Variants in NBAS observed in about 807,000 individuals in gnomAD.
NBAS encodes NAG/BC035112 fusion.
Under a neutral mutation model 302.5 loss-of-function variants are expected in NBAS, and 219 were observed. That is an observed-to-expected ratio of 0.72 (90% CI 0.65 to 0.81). NBAS has a LOEUF of 0.81. NBAS is among the 30% of genes least tolerant of loss of function. NBAS has a pLI of 0.00. For missense variants in NBAS, 2,932 were observed against 2,841.6 expected (o/e 1.03, Z -0.72); for synonymous variants, 1,118 against 1,021.6 (o/e 1.09, Z -1.80).
chr2:14,955,779 T>C, the NBAS span, among the ~76,000 whole-genome samples: 4 of 152,142 alleles, frequency 2.6e-5, no homozygotes, highest in Admixed American at 1.3e-4. Context: ...CAAGGCTGCA[T>C]AGAGCAAGGG....
chr2:15,358,395 T>TATGTGTGTGTGTGCGCACAC (rs1326113290), intron 32 of NBAS, among the ~76,000 whole-genome samples: 3 of 152,024 alleles, frequency 2.0e-5, no homozygotes, highest in African/African-American at 4.8e-5. Flanking sequence ...TGTGTGTGTG[T>TATGTGTGTGTGTGCGCACAC]ATGTGTGTGT....
the NBAS span, among the ~76,000 whole-genome samples, chr2:15,150,039 T>C: frequency 7.1e-6 from 1 of 141,548 alleles, no homozygotes; most frequent in Admixed American, 7.4e-5. Flanking sequence ...AGTGCCACTG[T>C]GCTCCAGAGC....
chr2:15,298,492 G>C (rs866336363), intron 40 of NBAS, among the ~76,000 whole-genome samples: 1 of 152,126 alleles, frequency 6.6e-6, no homozygotes, highest in East Asian at 1.9e-4. Context: ...AATTTCTTCT[G>C]AATCCCCATA....
chr2:15,248,472 T>C (rs1483072766), intron 44 of NBAS, among the ~76,000 whole-genome samples: 1 of 152,142 alleles, frequency 6.6e-6, no homozygotes, highest in Admixed American at 6.5e-5. Flanking sequence ...AGAGCAGTAC[T>C]GAAGGAGATA....
the NBAS span, among the ~76,000 whole-genome samples, chr2:15,134,056 T>TTCTCTCTCTCTCTCTC: frequency 1.2e-3 from 169 of 145,772 alleles, no homozygotes; most frequent in African/African-American, 1.4e-3. Context: ...GAACATTTCT[T>TTCTCTCTCTCTCTCTC]TCTCTCTCTC....
At chr2:15,097,508 T>C in the NBAS span, among the ~76,000 whole-genome samples, 1 of 152,080 alleles carries the variant, frequency 6.6e-6, no homozygotes, top group African/African-American at 2.4e-5. Context: ...CCACAGAAAT[T>C]TGTTCCTCAC....
At chr2:15,267,990 A>C (rs1669152265) in intron 44 of NBAS, among the ~76,000 whole-genome samples, 1 of 152,218 alleles carries the variant, frequency 6.6e-6, no homozygotes, top group African/African-American at 2.4e-5. Context: ...TTGGCTCCAA[A>C]AGATGTACTA....
chr2:15,132,599 G>A, the NBAS span, among the ~76,000 whole-genome samples: 2 of 152,098 alleles, frequency 1.3e-5, no homozygotes, highest in African/African-American at 2.4e-5. Context: ...ATAATGTGTC[G>A]ATATAGGTTC....
the NBAS span, among the ~76,000 whole-genome samples, chr2:14,860,200 GAGAA>G: frequency 6.6e-6 from 1 of 152,164 alleles, no homozygotes; most frequent in Non-Finnish European, 1.5e-5. Flanking sequence ...CAAGAATGTG[GAGAA>G]AGAGAGAACC....
At chr2:14,794,151 T>A in the NBAS span, among the ~76,000 whole-genome samples, 2 of 152,174 alleles carry the variant, frequency 1.3e-5, no homozygotes, top group African/African-American at 4.8e-5. Context: ...TTCCCCCTCC[T>A]TCCCCCTTAC....
rs373559709 is a variant in NBAS, at chr2:15,519,805, T to C, written c.747-8455A>G. 3.9e-5 allele frequency among the ~76,000 whole-genome samples: 6 copies of C among 152,296 alleles called. No homozygotes were observed. The East Asian group carries it at 1.2e-3, about 29-fold the overall frequency. On this transcript the variant is annotated intron_variant, in intron 9 of 51. Coordinates refer to ENST00000281513, the MANE Select transcript of NBAS (RefSeq NM_015909.4). ...CTGATGCTGCTGGTCAGGGACCACA[T>C]TTTGAGAACCACTGCTTTACTTTAT...
the NBAS span, among the ~76,000 whole-genome samples, chr2:14,984,161 T>G: frequency 1.3e-5 from 2 of 152,340 alleles, no homozygotes; most frequent in African/African-American, 4.8e-5. Context: ...CAGCGCCCTC[T>G]GCCCAAGCCC....
the NBAS span, among the ~76,000 whole-genome samples, chr2:15,142,455 C>T: frequency 6.6e-6 from 1 of 152,200 alleles, no homozygotes; most frequent in African/African-American, 2.4e-5. Context: ...GGCTTAGCTG[C>T]TACTGCCACA....
the NBAS span, among the ~76,000 whole-genome samples, chr2:14,938,823 C>A: frequency 1.3e-5 from 2 of 152,320 alleles, no homozygotes; most frequent in Non-Finnish European, 2.9e-5. Context: ...CCTTCTCAGG[C>A]AACTATCTGT....
chr2:15,109,187 T>G, the NBAS span, among the ~76,000 whole-genome samples: 1 of 152,184 alleles, frequency 6.6e-6, no homozygotes, highest in East Asian at 1.9e-4. Context: ...CCGCTGTATA[T>G]TATAGTCTTT....
At chr2:15,484,841 C>A (rs933498659) in intron 12 of NBAS, among the ~76,000 whole-genome samples, 2 of 152,122 alleles carry the variant, frequency 1.3e-5, no homozygotes, top group Non-Finnish European at 2.9e-5. Flanking sequence ...TTTATTATTT[C>A]ACCATTATGT....
chr2:15,052,338 C>T, the NBAS span, among the ~76,000 whole-genome samples: 1 of 152,114 alleles, frequency 6.6e-6, no homozygotes, highest in African/African-American at 2.4e-5. Context: ...CTGGAAATAC[C>T]AGAAGACTTT....
chr2:15,464,788 T>A (rs1187028179), intron 19 of NBAS, among the ~76,000 whole-genome samples: 2 of 152,156 alleles, frequency 1.3e-5, no homozygotes, highest in African/African-American at 4.8e-5. Context: ...TTTCCAAACA[T>A]CACCACAAAC....
the NBAS span, among the ~76,000 whole-genome samples, chr2:15,001,780 T>C: frequency 6.6e-6 from 1 of 152,232 alleles, no homozygotes; most frequent in South Asian, 2.1e-4. Flanking sequence ...GGTGGGCTTG[T>C]GGTCTCACTG....
Sources: allele counts gnomAD v4.1 joint callset (sites outside exome capture counted in the v4.1 genomes callset), GRCh38; gene constraint gnomAD v4.1.1; transcripts MANE v1.5; gene names NCBI Gene and HGNC (gene_info 2026-07-23, HGNC 2026-07-21).